MIR2052HG: variants seen among roughly 807,000 people sequenced by gnomAD.
The protein encoded by MIR2052HG is MIR2052 host gene.
At chr8:74,618,395 C>T (rs1403945213) in intron 2 of MIR2052HG, among the ~76,000 whole-genome samples, 2 of 152,140 alleles carry the variant, frequency 1.3e-5, no homozygotes, top group Non-Finnish European at 2.9e-5. Flanking sequence ...ATTCCAAGTG[C>T]CCCAAGTAAC....
intron 2 of MIR2052HG, among the ~76,000 whole-genome samples, chr8:74,662,512 T>C (rs1295219160): frequency 6.6e-6 from 1 of 152,046 alleles, no homozygotes; most frequent in East Asian, 1.9e-4. Flanking sequence ...AGATGACAGG[T>C]TGACATGGCA....
intron 4 of MIR2052HG, among the ~76,000 whole-genome samples, chr8:74,737,887 C>T (rs1285487257): frequency 6.6e-6 from 1 of 152,136 alleles, no homozygotes; most frequent in East Asian, 1.9e-4. Context: ...AGTGAGACAG[C>T]TTTACCTACA....
At chr8:74,618,353 G>A (rs191269853) in intron 2 of MIR2052HG, among the ~76,000 whole-genome samples, 1 of 152,268 alleles carries the variant, frequency 6.6e-6, no homozygotes, top group East Asian at 1.9e-4. Context: ...AAAGCTCCAT[G>A]AGGAAAGGGA....
intron 4 of MIR2052HG, among the ~76,000 whole-genome samples, chr8:74,720,945 C>G (rs1403442071): frequency 6.6e-6 from 1 of 152,154 alleles, no homozygotes; most frequent in Non-Finnish European, 1.5e-5. Context: ...GAGGAAACTG[C>G]TCCCATGATC....
intron 2 of MIR2052HG, among the ~76,000 whole-genome samples, chr8:74,662,561 T>C (rs7010580): frequency 5.6e-4 from 86 of 152,222 alleles, no homozygotes; most frequent in African/African-American, 2.0e-3. Flanking sequence ...ATTCTGCATA[T>C]GTATCCCAGA....
intron 4 of MIR2052HG, among the ~76,000 whole-genome samples, chr8:74,727,484 A>G (rs1166456325): frequency 1.3e-5 from 2 of 151,246 alleles, no homozygotes; most frequent in Non-Finnish European, 3.0e-5. Context: ...CATTCTTAGT[A>G]GTGTAAGATA....
intron 2 of MIR2052HG, among the ~76,000 whole-genome samples, chr8:74,644,650 G>A (rs142475768): frequency 3.3e-5 from 5 of 152,108 alleles, no homozygotes; most frequent in Admixed American, 6.6e-5. Context: ...TAGCACTTTG[G>A]GGGGCTGAGG....
chr8:74,740,764 T>C (rs1408054120), intron 4 of MIR2052HG, among the ~76,000 whole-genome samples: 2 of 152,166 alleles, frequency 1.3e-5, no homozygotes, highest in African/African-American at 4.8e-5. Context: ...AGAAAAATCG[T>C]CTTATTGCTT....
At chr8:74,621,536 C>A (rs931784399) in intron 2 of MIR2052HG, among the ~76,000 whole-genome samples, 1 of 152,190 alleles carries the variant, frequency 6.6e-6, no homozygotes, top group African/African-American at 2.4e-5. Context: ...ACCCTCTTCA[C>A]AGGGCAGCAG....
At chr8:74,636,083 C>G (rs1221982291) in intron 2 of MIR2052HG, among the ~76,000 whole-genome samples, 1 of 152,116 alleles carries the variant, frequency 6.6e-6, no homozygotes, top group African/African-American at 2.4e-5. Context: ...TATTTCAGTT[C>G]TTTTTTCTTT....
intron 2 of MIR2052HG, among the ~76,000 whole-genome samples, chr8:74,631,858 A>G (rs2128734258): frequency 6.6e-6 from 1 of 152,272 alleles, no homozygotes; most frequent in East Asian, 1.9e-4. Flanking sequence ...CTGTGTCTTC[A>G]CATGGTGAAA....
At chr8:74,618,259 A>G (rs1195202378) in intron 2 of MIR2052HG, among the ~76,000 whole-genome samples, 1 of 152,146 alleles carries the variant, frequency 6.6e-6, no homozygotes, top group African/African-American at 2.4e-5. Flanking sequence ...CTCTTGCCCA[A>G]TTTTATTTTT....
intron 3 of MIR2052HG, chr8:74,702,465 G>T (rs887951069): frequency 2.2e-6 from 1 of 451,624 alleles, no homozygotes; most frequent in Admixed American, 2.4e-5. Flanking sequence ...AGGTAAGTCA[G>T]TTCTTCTGAA....
chr8:74,652,821 A>G (rs1177116148), intron 2 of MIR2052HG, among the ~76,000 whole-genome samples: 4 of 152,292 alleles, frequency 2.6e-5, no homozygotes, highest in African/African-American at 9.6e-5. Context: ...GTATGCTTTG[A>G]TGATGGAGTG....
intron 4 of MIR2052HG, among the ~76,000 whole-genome samples, chr8:74,720,650 G>T (rs953054852): frequency 2.0e-5 from 3 of 152,098 alleles, no homozygotes; most frequent in Admixed American, 6.6e-5. Context: ...TATATGTTAT[G>T]CTAGAGCCTT....
At chr8:74,624,168 C>T (rs899805254) in intron 2 of MIR2052HG, among the ~76,000 whole-genome samples, 2 of 151,984 alleles carry the variant, frequency 1.3e-5, no homozygotes, top group African/African-American at 4.8e-5. Flanking sequence ...CATTTTTTTC[C>T]GGGAACAATT....
intron 2 of MIR2052HG, among the ~76,000 whole-genome samples, chr8:74,614,616 T>A (rs1358919468): frequency 6.6e-6 from 1 of 152,038 alleles, no homozygotes; most frequent in Non-Finnish European, 1.5e-5. Context: ...TTTCCCCTTA[T>A]AATATTTTCC....
At chr8:74,739,033 T>C (rs2128755567) in intron 4 of MIR2052HG, among the ~76,000 whole-genome samples, 1 of 152,332 alleles carries the variant, frequency 6.6e-6, no homozygotes, top group South Asian at 2.1e-4. Flanking sequence ...GTTTTTAAAG[T>C]TCATTAAAGG....
chr8:74,757,181 A>T (rs560673194), intron 5 of MIR2052HG: 1 of 152,164 alleles, frequency 6.6e-6, no homozygotes, highest in Non-Finnish European at 1.5e-5. Flanking sequence ...TCATTAGGTT[A>T]ATAACACCCT....
Sources: gnomAD v4.1 joint callset for allele counts (sites outside exome capture counted in the v4.1 genomes callset) on GRCh38, gnomAD v4.1.1 for gene constraint, MANE v1.5 for transcripts, NCBI Gene and HGNC (gene_info 2026-07-23, HGNC 2026-07-21) for gene names.